ANO10: variants seen among roughly 807,000 people sequenced by gnomAD.
The protein encoded by ANO10 is anoctamin 10.
ANO10 carries 77 observed loss-of-function variants against 74.7 expected under a neutral mutation model. That is an observed-to-expected ratio of 1.03 (90% CI 0.86 to 1.25). ANO10 has a LOEUF of 1.25. ANO10 is among the 50% of genes most tolerant of loss of function. ANO10 has a pLI of 0.00. For synonymous variants in ANO10, 279 were observed against 284.9 expected, an observed-to-expected ratio of 0.98 and a Z score of 0.21; for missense variants, 721 against 778.1, an observed-to-expected ratio of 0.93 and a Z score of 0.87.
chr3:43,515,100 A>G (rs1575316183), intron 11 of ANO10, among the ~76,000 whole-genome samples: 1 of 152,238 alleles, frequency 6.6e-6, no homozygotes, highest in African/African-American at 2.4e-5. Flanking sequence ...GAAAATCAAT[A>G]AAGTCCAAAG....
intron 12 of ANO10, among the ~76,000 whole-genome samples, chr3:43,422,306 G>A (rs1176621108): frequency 2.6e-5 from 4 of 151,978 alleles, no homozygotes; most frequent in South Asian, 2.1e-4. Context: ...CAGTAGAGAC[G>A]GGGTTTCACC....
intron 12 of ANO10, among the ~76,000 whole-genome samples, chr3:43,404,774 C>T (rs1332820523): frequency 6.7e-6 from 1 of 149,892 alleles, no homozygotes; most frequent in Non-Finnish European, 1.5e-5. Context: ...GTCTCAGGTA[C>T]TCAGGAGGCT....
chr3:43,433,969 A>G (rs1389485552), intron 11 of ANO10, among the ~76,000 whole-genome samples: 1 of 152,236 alleles, frequency 6.6e-6, no homozygotes, highest in Admixed American at 6.5e-5. Context: ...ATTGACAGAA[A>G]AAGGACAGTT....
chr3:43,374,847 G>A (rs757088712), intron 12 of ANO10, among the ~76,000 whole-genome samples: 12 of 152,302 alleles, frequency 7.9e-5, no homozygotes, highest in South Asian at 2.1e-4. Context: ...CTGGCCGGGC[G>A]CGGTGGCTCA....
At position 43,654,719 on chromosome 3, in the gene ANO10, T is replaced by C. The variant is rs534190685; in HGVS notation, c.-12+36798A>G. Among the ~76,000 whole-genome samples the C allele has an allele frequency of 1.8e-4, 28 of 152,318 alleles. No homozygotes were observed. The South Asian group carries it at 5.6e-3, about 30-fold the overall frequency. ...ATGGACAAGAGAAGAGAAGTGGTCA[T>C]CCTCACTGCATCCCCACTGCTAGGC... On this transcript the variant is annotated intron_variant, in intron 1 of 3. Transcript: ENST00000413397.
chr3:43,662,354 C>T (rs755268018), intron 1 of ANO10, among the ~76,000 whole-genome samples: 2 of 152,126 alleles, frequency 1.3e-5, no homozygotes, highest in Non-Finnish European at 2.9e-5. Flanking sequence ...TTCTTTGAAA[C>T]CAATGAGAAC....
intron 1 of ANO10, among the ~76,000 whole-genome samples, chr3:43,678,132 A>G (rs1188218693): frequency 6.6e-6 from 1 of 152,170 alleles, no homozygotes; most frequent in Non-Finnish European, 1.5e-5. Flanking sequence ...TGTCCTGAGC[A>G]CTCTTACATT....
intron 11 of ANO10, among the ~76,000 whole-genome samples, chr3:43,543,475 T>C (rs3902207): frequency 0.43 from 65,155 of 152,120 alleles, 15,199 homozygotes; most frequent in African/African-American, 0.59. Context: ...CTGCAAGCTC[T>C]GCCTCCCGAA....
intron 1 of ANO10, among the ~76,000 whole-genome samples, chr3:43,658,584 C>T (rs2083884654): frequency 6.6e-6 from 1 of 152,134 alleles, no homozygotes; most frequent in East Asian, 1.9e-4. Flanking sequence ...ATTCTCCTGC[C>T]TCAGCCTCCT....
At chr3:43,526,984 TATGGTACATACA>T (rs2078231692) in intron 11 of ANO10, among the ~76,000 whole-genome samples, 1 of 151,214 alleles carries the variant, frequency 6.6e-6, no homozygotes, top group Non-Finnish European at 1.5e-5. Context: ...CACACACACA[TATGGTACATACA>T]ATGGTACATA....
upstream of ANO10, among the ~76,000 whole-genome samples, chr3:43,624,050 C>A (rs2083471976): frequency 6.6e-6 from 1 of 152,114 alleles, no homozygotes; most frequent in African/African-American, 2.4e-5. Context: ...ATATAAAAGT[C>A]ATTTTCTCTT....
chr3:43,491,543 C>T (rs1165473343), intron 11 of ANO10, among the ~76,000 whole-genome samples: 1 of 151,996 alleles, frequency 6.6e-6, no homozygotes, highest in Non-Finnish European at 1.5e-5. Context: ...ACCCTTAAGT[C>T]AAAGGTCAAA....
At chr3:43,538,850 T>C (rs1363364438) in intron 11 of ANO10, among the ~76,000 whole-genome samples, 2 of 152,124 alleles carry the variant, frequency 1.3e-5, no homozygotes, top group African/African-American at 2.4e-5. Context: ...AAGGAGAGGA[T>C]TGGAAGTTCA....
chr3:43,494,140 A>G (rs959772272), intron 11 of ANO10, among the ~76,000 whole-genome samples: 6 of 152,196 alleles, frequency 3.9e-5, no homozygotes, highest in South Asian at 2.1e-4. Flanking sequence ...AGCTAATGCA[A>G]TAAGAGCAAA....
intron 1 of ANO10, among the ~76,000 whole-genome samples, chr3:43,631,084 C>A (rs1263836232): frequency 6.6e-6 from 1 of 152,190 alleles, no homozygotes; most frequent in African/African-American, 2.4e-5. Flanking sequence ...AAAAACTAGG[C>A]AGCTGGAAGG....
chr3:43,402,783 C>G (rs1005599983), intron 12 of ANO10, among the ~76,000 whole-genome samples: 1 of 152,102 alleles, frequency 6.6e-6, no homozygotes, highest in Non-Finnish European at 1.5e-5. Flanking sequence ...TAAAAACATG[C>G]CTTAGTGTCC....
chr3:43,366,999 G>A, intron 12 of ANO10, 25 bp from the exon 13 acceptor site: 2 of 1,582,128 alleles, frequency 1.3e-6, no homozygotes, highest in Non-Finnish European at 1.7e-6. Context: ...CAGGACACCA[G>A]GTGAGCCACA....
At chr3:43,554,987 C>T (rs1249376147) in intron 10 of ANO10, among the ~76,000 whole-genome samples, 2 of 152,140 alleles carry the variant, frequency 1.3e-5, no homozygotes, top group African/African-American at 4.8e-5. Flanking sequence ...TTAATACTGG[C>T]TGAGATGAAG....
chr3:43,629,138 T>A lies in ANO10; in HGVS notation c.-11-23275A>T, dbSNP rs2083521467. ...CCCGGACACCCAGCTTTAAAATTTC[T>A]CTCTTTTGTACTCTGTCCCTTTATT... On this transcript the variant is annotated intron_variant, in intron 1 of 3. Transcript: ENST00000413397. Among the ~76,000 whole-genome samples, 12 of 152,282 alleles carry A rather than the reference T, an allele frequency of 7.9e-5. No individual in the cohort carries two copies. The South Asian group carries it at 2.5e-3, about 32-fold the overall frequency.
Sources: gnomAD v4.1 joint callset for allele counts (sites outside exome capture counted in the v4.1 genomes callset) on GRCh38, gnomAD v4.1.1 for gene constraint, MANE v1.5 for transcripts, NCBI Gene and HGNC (gene_info 2026-07-23, HGNC 2026-07-21) for gene names.